Variants in C15orf39 observed in about 807,000 individuals in gnomAD.
C15orf39 encodes the protein uncharacterized protein C15orf39.
A neutral mutation model predicts 53.9 loss-of-function variants in C15orf39; 24 were observed. The observed-to-expected ratio is 0.45, with a 90% CI of 0.32 to 0.63. The LOEUF (loss-of-function observed/expected upper bound fraction) is 0.63, where lower values mean the gene tolerates loss of function less well. Ranked by LOEUF, C15orf39 falls within the 20% of genes least tolerant of loss-of-function variation. The pLI, the probability that C15orf39 is intolerant of heterozygous loss-of-function variation, is 0.04. For synonymous variants in C15orf39, 569 were observed against 576.5 expected (o/e 0.99, Z 0.19); for missense variants, 1,271 against 1,347.9 (o/e 0.94, Z 0.89).
chr15:75,207,102 G>T lies in C15orf39; in HGVS notation c.1054G>T (p.Ala352Ser). ...CCCCTACCCCTCTGCCCCTCTCCCA[G>T]CACCCTCTCCAGGCCTCAAGCTGGA... is the stretch of plus-strand genomic sequence containing the variant. The part of the protein sequence containing the change: ...AYPYPSAPLP[A>S]PSPGLKLEPP... Residue 352 changes from alanine (A) to serine (S), a missense_variant, in exon 2 of 3, where the codon GCA becomes TCA. Coordinates refer to ENST00000394987, the MANE Select transcript of C15orf39 (RefSeq NM_015492.5). 6.2e-7 allele frequency: 1 copy of T among 1,613,264 alleles called. No homozygotes were observed. The highest frequency in any genetic ancestry group is 8.5e-7 in the Non-Finnish European group (1 of 1,179,874).
chr15:75,203,001 C>T (rs1303977044), intron 1 of C15orf39, among the ~76,000 whole-genome samples: 1 of 152,246 alleles, frequency 6.6e-6, no homozygotes, highest in African/African-American at 2.4e-5. Context: ...CTTTCCCCTC[C>T]ACTGGAGACT....
chr15:75,206,850 C>CCCG lies in C15orf39; in HGVS notation c.802_803insCCG (p.His268delinsProAsp). ...ACCCTGTCAGGACACCGGGCCCACC[C>CCCG]ACTACCCACCACCCCACCACCCACC... On this transcript the variant is annotated protein_altering_variant, in exon 2 of 3. Coordinates refer to ENST00000394987, the MANE Select transcript of C15orf39 (RefSeq NM_015492.5). The CCCG allele has an allele frequency of 6.4e-7, 1 of 1,561,214 alleles. No individual in the cohort carries two copies. Among genetic ancestry groups the CCCG allele is most frequent in the Non-Finnish European group, 8.6e-7 (1 of 1,156,572 alleles).
chr15:75,206,947 C>G lies in C15orf39; in HGVS notation c.899C>G (p.Pro300Arg), dbSNP rs2070443864. Residue 300 changes from proline to arginine, a missense_variant, in exon 2 of 3, where the codon CCA becomes CGA. Physicochemically the swap from Pro to Arg is moderately radical, Grantham distance 103 (BLOSUM62 -2). This residue lies in a region of C15orf39 where 994 missense variants were observed against 993.7 expected (regional missense o/e 1.00). Transcript: ENST00000394987. ...RHPEKQGSYSPALPLQPLGGH... is the reference protein window; with the variant it reads ...RHPEKQGSYSRALPLQPLGGH... Reference sequence around the variant, plus strand: ...CCAGAGAAGCAGGGCAGCTACAGCCCAGCACTCCCACTGCAGCCTCTGGGG... The same window carrying G: ...CCAGAGAAGCAGGGCAGCTACAGCCGAGCACTCCCACTGCAGCCTCTGGGG... 6.4e-7 allele frequency: 1 copy of G among 1,562,228 alleles called. No individual in the cohort carries two copies. The highest frequency in any genetic ancestry group is 1.8e-5 in the Admixed American group (1 of 54,370).
Position 75,208,716 on chromosome 15 carries a change from C to A in C15orf39, c.2668C>A (p.Pro890Thr). 3 of 1,607,186 alleles carry A rather than the reference C, an allele frequency of 1.9e-6. No homozygotes were observed. Among genetic ancestry groups the A allele is most frequent in the Non-Finnish European group, 2.5e-6 (3 of 1,179,658 alleles). The change falls in exon 2 of 3, where the codon CCA becomes ACA. Residue 890 changes from proline to threonine, a missense_variant. By Grantham distance (38) the Pro-to-Thr change is conservative. Coordinates refer to ENST00000394987, the MANE Select transcript of C15orf39 (RefSeq NM_015492.5). ...GCGGGCACTGCGGGAGCTCGCCCTG[C>A]CAGGCTGCACCTCACGCATGCTGAA... ...EERALRELAL[P>T]GCTSRMLKLL...
At position 75,210,897 on chromosome 15, in the gene C15orf39, A is replaced by T; in HGVS notation, c.2925A>T (p.Lys975Asn). The T allele has an allele frequency of 1.9e-6, 3 of 1,613,704 alleles. No homozygotes were observed. The highest frequency in any genetic ancestry group is 2.5e-6 in the Non-Finnish European group (3 of 1,179,980). ...AGCCACCAACCCCTGGCCCGGAGAAAGCAGAGGCAGCTGCTGGGGAAGAGT... is the reference window on the plus strand; with the variant it reads ...AGCCACCAACCCCTGGCCCGGAGAATGCAGAGGCAGCTGCTGGGGAAGAGT... ...GRKPPTPGPE[K>N]AEAAAGEESC... Residue 975 changes from lysine (K) to asparagine (N), a missense_variant, in exon 3 of 3, where the codon AAA becomes AAT. This residue lies in a region of C15orf39 where 277 missense variants were observed against 354.1 expected (regional missense o/e 0.78). Coordinates refer to ENST00000394987, the MANE Select transcript of C15orf39 (RefSeq NM_015492.5).
chr15:75,210,605 TG>T, intron 2 of C15orf39, 143 bp from the exon 3 acceptor site: 1 of 1,222,654 alleles, frequency 8.2e-7, no homozygotes, highest in Non-Finnish European at 1.1e-6. Flanking sequence ...TTGGATGGTC[TG>T]GCCAGTGGGC....
In C15orf39 at chr15:75,208,290, G is replaced by C. The variant is rs774765359; in HGVS notation, c.2242G>C (p.Val748Leu). 9 of 1,581,644 alleles carry C rather than the reference G, an allele frequency of 5.7e-6. No homozygotes were observed. Among genetic ancestry groups the C allele is most frequent in the Middle Eastern group, 3.3e-4 (2 of 6,026 alleles). Residue 748 changes from valine (V) to leucine (L), a missense_variant, in exon 2 of 3, where the codon GTT becomes CTT. By Grantham distance (32) the Val-to-Leu change is conservative. Around this residue, in one of 2 missense-constraint regions of C15orf39, gnomAD observed 994 missense variants for 993.7 expected, o/e 1.00. Coordinates refer to ENST00000394987, the MANE Select transcript of C15orf39 (RefSeq NM_015492.5). ...ARDPAPAPAP[V>L]AGPAPASTSA... ...GGATCCAGCTCCAGCTCCAGCTCCAGTTGCAGGCCCTGCTCCAGCATCTAC... is the reference window on the plus strand; with the variant it reads ...GGATCCAGCTCCAGCTCCAGCTCCACTTGCAGGCCCTGCTCCAGCATCTAC...
Position 75,206,627 on chromosome 15 carries a change from G to T in C15orf39, c.579G>T (p.Gly193=). Residue 193 remains glycine, a synonymous_variant, in exon 2 of 3, where the codon GGG becomes GGT. Coordinates refer to ENST00000394987, the MANE Select transcript of C15orf39 (RefSeq NM_015492.5). ...CTCTGGATGGCACCTTCTTGCGGGG[G>T]GTGCCAGCTGAGGGGTCCAGTAAAG... ...GQTLDGTFLR[G]VPAEGSSKDS... is the part of the protein sequence containing the mutation. The T allele has an allele frequency of 6.2e-7, 1 of 1,613,690 alleles. No homozygotes were observed.
chr15:75,203,658 G>A (rs1438432313), intron 1 of C15orf39, among the ~76,000 whole-genome samples: 2 of 152,148 alleles, frequency 1.3e-5, no homozygotes, highest in East Asian at 3.9e-4. Flanking sequence ...AGTCTCCAGA[G>A]CAAAGGGTAT....
rs772440778 is a variant in C15orf39 at position 75,207,348 on chromosome 15, C to G, written c.1300C>G (p.Gln434Glu). ...CTGCTCAGAGCCTGTGAGGCCTGCA[C>G]AGGAAGCCGAAGAGAAGACCTGGCT... is the stretch of plus-strand genomic sequence containing the variant. The part of the protein sequence containing the change: ...QPCSEPVRPA[Q>E]EAEEKTWLPS... Residue 434 changes from glutamine to glutamate, a missense_variant, in exon 2 of 3, where the codon CAG becomes GAG. Transcript: ENST00000394987. 1 of 1,613,430 alleles carries G rather than the reference C, an allele frequency of 6.2e-7. No homozygotes were observed. Among genetic ancestry groups the G allele is most frequent in the Non-Finnish European group, 8.5e-7 (1 of 1,180,026 alleles).
chr15:75,202,366 C>G (rs1159409920), intron 1 of C15orf39: 1 of 152,392 alleles, frequency 6.6e-6, no homozygotes, highest in Non-Finnish European at 1.5e-5. Context: ...TCAGGCCGAG[C>G]CCTCCGGCCT....
intron 2 of C15orf39, chr15:75,209,624 G>T (rs539779181): frequency 1.3e-5 from 2 of 152,346 alleles, no homozygotes; most frequent in East Asian, 3.9e-4. Flanking sequence ...TAGGGATCTG[G>T]TGATGGGACC....
upstream of C15orf39, among the ~76,000 whole-genome samples, chr15:75,200,492 C>T (rs190578488): frequency 1.1e-4 from 16 of 152,264 alleles, no homozygotes; most frequent in East Asian, 5.8e-4. Context: ...ACAGGGTCGC[C>T]GGCGCGGTGC....
At chr15:75,209,953 A>G (rs1472856303) in intron 2 of C15orf39, among the ~76,000 whole-genome samples, 2 of 152,020 alleles carry the variant, frequency 1.3e-5, no homozygotes, top group Non-Finnish European at 2.9e-5. Flanking sequence ...GGAAATCCAG[A>G]CTCAGGCGAT....
At position 75,208,512 on chromosome 15, in the gene C15orf39, C is replaced by T. The variant is rs2070459388; in HGVS notation, c.2464C>T (p.Leu822=). 6.3e-7 allele frequency: 1 copy of T among 1,587,836 alleles called. No homozygotes were observed. Among genetic ancestry groups the T allele is most frequent in the Non-Finnish European group, 8.5e-7 (1 of 1,169,736 alleles). Residue 822 remains leucine (L), a synonymous_variant, in exon 2 of 3, where the codon CTG becomes TTG. Transcript: ENST00000394987. The stretch of plus-strand genomic sequence containing the variant: ...GCTGCTGGCCAAGCTGCTGTCTCAG[C>T]TGCAGCGCTTCGATCGCACCCACCG... ...QGLLAKLLSQ[L]QRFDRTHRCP... is the part of the protein sequence containing the mutation.
chr15:75,200,537 C>A (rs1411719733), upstream of C15orf39, among the ~76,000 whole-genome samples: 1 of 152,172 alleles, frequency 6.6e-6, no homozygotes, highest in African/African-American at 2.4e-5. Context: ...TGGTAAGGGG[C>A]AAGAGCAGTG....
In C15orf39 at chr15:75,210,885, T is replaced by C. The variant is rs556758874; in HGVS notation, c.2913T>C (p.Pro971=). 34 of 1,613,776 alleles carry C rather than the reference T, an allele frequency of 2.1e-5. No homozygotes were observed. The highest frequency in any genetic ancestry group is 1.0e-4 in the Admixed American group (6 of 60,016). ...AGCCAGGCAGGAAGCCACCAACCCCTGGCCCGGAGAAAGCAGAGGCAGCTG... is the reference window on the plus strand; with the variant it reads ...AGCCAGGCAGGAAGCCACCAACCCCCGGCCCGGAGAAAGCAGAGGCAGCTG... ...VRKPGRKPPT[P]GPEKAEAAAG... is the part of the protein sequence containing the mutation. Residue 971 remains proline (P), a synonymous_variant, in exon 3 of 3, where the codon CCT becomes CCC. Coordinates refer to ENST00000394987, the MANE Select transcript of C15orf39 (RefSeq NM_015492.5).
At chr15:75,204,865 G>A (rs1292471022) in intron 1 of C15orf39, among the ~76,000 whole-genome samples, 1 of 152,224 alleles carries the variant, frequency 6.6e-6, no homozygotes, top group Non-Finnish European at 1.5e-5. Flanking sequence ...ACCCTGCCAT[G>A]TGCCTAGGAA....
Position 75,211,698 on chromosome 15 carries a change from C to A in C15orf39, c.*582C>A, listed in dbSNP as rs2070484498. 1 of 152,266 alleles carries A rather than the reference C, an allele frequency of 6.6e-6. No individual in the cohort carries two copies. The highest frequency in any genetic ancestry group is 2.4e-5 in the African/African-American group (1 of 41,446). 9.4% of individuals were successfully genotyped at this position (152,266 alleles called of 1,614,324 possible). A position where few individuals can be genotyped will look rare whatever the true frequency, so the allele number is the denominator to read the frequency against. ...CATTTGGGGTTGGGTTGGCCCTACT[C>A]CAGCCTGGAGCTCCCTGAGGGAGCC... On this transcript the variant is annotated 3_prime_UTR_variant, in exon 3 of 3. Coordinates refer to ENST00000394987, the MANE Select transcript of C15orf39 (RefSeq NM_015492.5).
Sources: allele counts gnomAD v4.1 joint callset (sites outside exome capture counted in the v4.1 genomes callset), GRCh38; gene constraint gnomAD v4.1.1; regional missense constraint gnomAD v4.1.1; transcripts MANE v1.5; gene names NCBI Gene and HGNC (gene_info 2026-07-23, HGNC 2026-07-21).